Variants in EYA1 observed in about 807,000 individuals in gnomAD.
EYA1 encodes the protein protein phosphatase EYA1.
Under a neutral mutation model 82.0 loss-of-function variants are expected in EYA1, and 16 were observed. The observed-to-expected ratio is 0.20, with a 90% confidence interval of 0.13 to 0.30. The LOEUF (loss-of-function observed/expected upper bound fraction) is 0.30, where lower values mean the gene tolerates loss of function less well. Among genes scored for constraint, EYA1 ranks in the 10% least tolerant of loss-of-function variants. The pLI, the probability that EYA1 is intolerant of heterozygous loss-of-function variation, is 1.00. For synonymous variants in EYA1, 261 were observed against 264.4 expected, an observed-to-expected ratio of 0.99 and a Z score of 0.12; for missense variants, 633 against 730.7, an observed-to-expected ratio of 0.87 and a Z score of 1.54.
chr8:71,439,424 G>A (rs1393260999), intron 2 of EYA1, among the ~76,000 whole-genome samples: 4 of 152,154 alleles, frequency 2.6e-5, no homozygotes, highest in Non-Finnish European at 5.9e-5. Context: ...TCTAACCTGG[G>A]GTTTGACAGT....
chr8:71,265,609 T>G (rs1372515789), intron 11 of EYA1, among the ~76,000 whole-genome samples: 1 of 152,216 alleles, frequency 6.6e-6, no homozygotes, highest in African/African-American at 2.4e-5. Context: ...GCCTGAGACA[T>G]CAGCACAATT....
chr8:71,337,727 C>G (rs1824659488), intron 3 of EYA1, among the ~76,000 whole-genome samples: 1 of 152,196 alleles, frequency 6.6e-6, no homozygotes, highest in African/African-American at 2.4e-5. Context: ...GGAGCTAAAA[C>G]TATATTCATC....
Position 71,400,888 on chromosome 8 carries a change from A to G in EYA1, c.34-44377T>C, listed in dbSNP as rs191851023. On this transcript the variant is annotated intron_variant, in intron 2 of 18. Coordinates refer to the EYA1 transcript ENST00000643681. ...ATGACAAAGGCATGAAATCAACCCA[A>G]ATGCCCATCAATGATAGAATGGATA... Among the ~76,000 whole-genome samples the G allele has an allele frequency of 3.2e-4, 49 of 152,304 alleles. 2 individuals are homozygous for G. The East Asian group carries it at 7.7e-3, about 24-fold the overall frequency.
At chr8:71,257,349 G>T (rs1265643745) in intron 11 of EYA1, among the ~76,000 whole-genome samples, 1 of 152,044 alleles carries the variant, frequency 6.6e-6, no homozygotes, top group Non-Finnish European at 1.5e-5. Flanking sequence ...TTCTATGTTT[G>T]CAAGTTTCTA....
intron 7 of EYA1, among the ~76,000 whole-genome samples, chr8:71,311,133 A>C (rs1408923563): frequency 6.6e-6 from 1 of 152,180 alleles, no homozygotes; most frequent in African/African-American, 2.4e-5. Flanking sequence ...AAGATAGCTC[A>C]TTGTTTTCTG....
At chr8:71,251,413 T>C (rs1405784435) in intron 11 of EYA1, among the ~76,000 whole-genome samples, 2 of 152,192 alleles carry the variant, frequency 1.3e-5, no homozygotes, top group African/African-American at 2.4e-5. Flanking sequence ...ATACACAACA[T>C]CTAACTTCAC....
At chr8:71,201,375 G>A (rs1278758566) in intron 17 of EYA1, among the ~76,000 whole-genome samples, 1 of 151,908 alleles carries the variant, frequency 6.6e-6, no homozygotes, top group Non-Finnish European at 1.5e-5. Flanking sequence ...CCTGTTCTCT[G>A]TAGGCTTTTT....
In EYA1 at chr8:71,305,071, A is replaced by G. The variant is rs1017955697; in HGVS notation, c.557-5351T>C. On this transcript the variant is annotated intron_variant, in intron 7 of 17. Coordinates refer to ENST00000340726, the MANE Select transcript of EYA1 (RefSeq NM_000503.6). ...AGGATAAAACAGACCTCCTTCCCTT[A>G]ACATCAATCCACTGAGAGTTTCTGT... Among the ~76,000 whole-genome samples, 10 of 143,040 alleles carry G rather than the reference A, an allele frequency of 7.0e-5. 2 individuals carry two copies. Among genetic ancestry groups the G allele is most frequent in the Admixed American group, 6.2e-4 (9 of 14,428 alleles). The allele number at this position is 143,040 out of a possible 152,430, so 93.8% of individuals were successfully genotyped here. A position where few individuals can be genotyped will look rare whatever the true frequency, so the allele number is the denominator to read the frequency against.
chr8:71,315,008 G>A (rs896893708), intron 7 of EYA1, among the ~76,000 whole-genome samples: 2 of 151,662 alleles, frequency 1.3e-5, no homozygotes, highest in Non-Finnish European at 2.9e-5. Flanking sequence ...GCACTATACT[G>A]TAATGGCTGG....
intron 2 of EYA1, among the ~76,000 whole-genome samples, chr8:71,426,305 G>A (rs1024571196): frequency 6.6e-5 from 10 of 152,328 alleles, no homozygotes; most frequent in African/African-American, 2.2e-4. Flanking sequence ...GAAGTACCCT[G>A]GAATTGTAAG....
At chr8:71,517,817 A>C (rs1277598773) in intron 2 of EYA1, among the ~76,000 whole-genome samples, 4 of 150,980 alleles carry the variant, frequency 2.6e-5, no homozygotes, top group African/African-American at 7.3e-5. Flanking sequence ...TATTAATTGT[A>C]AGTATGGAAT....
At chr8:71,360,675 T>G (rs573693009) in intron 1 of EYA1, among the ~76,000 whole-genome samples, 43 of 152,206 alleles carry the variant, frequency 2.8e-4, no homozygotes, top group African/African-American at 1.0e-3. Context: ...CCCCAGACTG[T>G]GGGGGAAAAG....
chr8:71,388,446 GT>G (rs957617450), intron 2 of EYA1, among the ~76,000 whole-genome samples: 2 of 152,162 alleles, frequency 1.3e-5, no homozygotes, highest in Non-Finnish European at 1.5e-5. Context: ...GGTGACCAGA[GT>G]TTTTCGGTTG....
intron 2 of EYA1, among the ~76,000 whole-genome samples, chr8:71,425,382 A>G (rs1393075561): frequency 6.6e-6 from 1 of 152,226 alleles, no homozygotes; most frequent in African/African-American, 2.4e-5. Flanking sequence ...ACAGCAAAAT[A>G]TAATTTTTAA....
intron 4 of EYA1, among the ~76,000 whole-genome samples, chr8:71,326,659 C>T (rs1029032071): frequency 1.3e-5 from 2 of 152,172 alleles, no homozygotes; most frequent in African/African-American, 4.8e-5. Flanking sequence ...GATGGCCTTG[C>T]TGAAATGTCC....
intron 7 of EYA1, among the ~76,000 whole-genome samples, chr8:71,313,110 C>T (rs9298171): frequency 0.55 from 84,205 of 151,846 alleles, 23,546 homozygotes; most frequent in East Asian, 0.74. Flanking sequence ...CCTTGCTTCC[C>T]CACTCTCATT....
At chr8:71,518,300 A>T (rs1025787469) in intron 2 of EYA1, among the ~76,000 whole-genome samples, 4 of 152,164 alleles carry the variant, frequency 2.6e-5, no homozygotes, top group Middle Eastern at 3.2e-3. Flanking sequence ...TCCAAAAGTG[A>T]TTAATATTGC....
chr8:71,265,163 TTTTG>T (rs1815634384), intron 11 of EYA1, among the ~76,000 whole-genome samples: 2 of 146,466 alleles, frequency 1.4e-5, no homozygotes, highest in Non-Finnish European at 3.0e-5. Context: ...TTTGTTTTTG[TTTTG>T]TTTTTTTTTG....
intron 3 of EYA1, among the ~76,000 whole-genome samples, chr8:71,347,482 C>A (rs1265340029): frequency 6.6e-6 from 1 of 152,078 alleles, no homozygotes; most frequent in African/African-American, 2.4e-5. Context: ...ACTGCCTCGC[C>A]TGGATAATTT....
Sources: gnomAD v4.1 joint callset for allele counts (sites outside exome capture counted in the v4.1 genomes callset) on GRCh38, gnomAD v4.1.1 for gene constraint, MANE v1.5 for transcripts, NCBI Gene and HGNC (gene_info 2026-07-23, HGNC 2026-07-21) for gene names.